LRRC4C: variants seen among roughly 807,000 people sequenced by gnomAD.
LRRC4C encodes leucine rich repeat containing 4C.
In LRRC4C, 5 loss-of-function variants were observed where a neutral mutation model predicts 33.6. That is an observed-to-expected ratio of 0.15 (90% CI 0.08 to 0.31). The LOEUF (loss-of-function observed/expected upper bound fraction) is 0.31. Among genes scored for constraint, LRRC4C ranks in the 10% least tolerant of loss-of-function variants. LRRC4C has a pLI of 1.00. For synonymous variants in LRRC4C, 329 were observed against 302.0 expected (o/e 1.09, Z -0.93); for missense variants, 560 against 796.7 (o/e 0.70, Z 3.58).
chr11:41,162,538 T>C (rs1470532121), intron 1 of LRRC4C, among the ~76,000 whole-genome samples: 1 of 152,168 alleles, frequency 6.6e-6, no homozygotes, highest in African/African-American at 2.4e-5. Context: ...TATCCTACTA[T>C]ACGCCTAGGC....
Position 40,693,112 on chromosome 11 carries a change from C to CCA in LRRC4C, c.-406-44835_-406-44834insTG, listed in dbSNP as rs1242866139. Among the ~76,000 whole-genome samples, 15 of 151,856 alleles carry CCA rather than the reference C, an allele frequency of 9.9e-5. No individual in the cohort carries two copies. In the South Asian group the frequency reaches 2.3e-3, roughly 23 times the overall value. On this transcript the variant is annotated intron_variant, in intron 2 of 6. Transcript: ENST00000528697. ...AATGTATCGTGATTCTGGTTTTTTA[C>CCA]CGCACACACACACCTCTGCACACTT...
intron 1 of LRRC4C, among the ~76,000 whole-genome samples, chr11:41,122,071 A>T (rs1401047724): frequency 6.6e-6 from 1 of 152,164 alleles, no homozygotes; most frequent in African/African-American, 2.4e-5. Context: ...CTCCTAGGAA[A>T]CACTGCTGGG....
intron 3 of LRRC4C, among the ~76,000 whole-genome samples, chr11:40,544,767 T>C (rs1956851258): frequency 6.6e-6 from 1 of 152,134 alleles, no homozygotes; most frequent in Non-Finnish European, 1.5e-5. Context: ...TGTATGCACA[T>C]ATGTATGTCT....
chr11:40,224,320 C>T (rs753789896), intron 5 of LRRC4C, among the ~76,000 whole-genome samples: 3 of 152,180 alleles, frequency 2.0e-5, no homozygotes, highest in Non-Finnish European at 4.4e-5. Context: ...GTTTAAAACC[C>T]CTCCCCACAA....
At chr11:40,456,243 C>G (rs1952125276) in intron 3 of LRRC4C, among the ~76,000 whole-genome samples, 1 of 151,950 alleles carries the variant, frequency 6.6e-6, no homozygotes, top group Admixed American at 6.6e-5. Context: ...GCAAAATCAA[C>G]CTGAAGAATG....
intron 1 of LRRC4C, among the ~76,000 whole-genome samples, chr11:41,050,929 A>G: frequency 6.6e-6 from 1 of 152,192 alleles, no homozygotes; most frequent in East Asian, 1.9e-4. Context: ...AGGCTAATTT[A>G]AGGCTACATT....
At chr11:41,226,219 C>T (rs1172612761) in intron 1 of LRRC4C, among the ~76,000 whole-genome samples, 1 of 152,080 alleles carries the variant, frequency 6.6e-6, no homozygotes, top group Non-Finnish European at 1.5e-5. Flanking sequence ...TCATGACTTT[C>T]TGAGATGAGT....
intron 1 of LRRC4C, among the ~76,000 whole-genome samples, chr11:41,205,336 G>A (rs1946555829): frequency 6.6e-6 from 1 of 152,154 alleles, no homozygotes; most frequent in Non-Finnish European, 1.5e-5. Context: ...ATTATTGCAT[G>A]GAGAATGTGC....
chr11:40,313,182 A>C (rs1945399833), intron 4 of LRRC4C, among the ~76,000 whole-genome samples: 8 of 152,010 alleles, frequency 5.3e-5, no homozygotes, highest in Admixed American at 5.2e-4. Flanking sequence ...TGTTTATGTT[A>C]GTTTTTACTC....
intron 1 of LRRC4C, chr11:41,424,111 A>G (rs1318268898): frequency 2.0e-5 from 3 of 152,118 alleles, no homozygotes; most frequent in African/African-American, 7.2e-5. Context: ...TCAAATGAAG[A>G]AAACGTATTC....
intron 1 of LRRC4C, among the ~76,000 whole-genome samples, chr11:41,048,593 C>G (rs1857973743): frequency 6.6e-6 from 1 of 152,074 alleles, no homozygotes; most frequent in Non-Finnish European, 1.5e-5. Flanking sequence ...ATTTTTTCAT[C>G]TTGGTCTACC....
intron 4 of LRRC4C, among the ~76,000 whole-genome samples, chr11:40,254,418 G>A (rs1318006940): frequency 4.6e-5 from 7 of 152,170 alleles, no homozygotes; most frequent in Admixed American, 3.9e-4. Flanking sequence ...TCAGCCACGT[G>A]CTGCTCACTT....
At chr11:41,443,918 C>T (rs1206742102) in intron 1 of LRRC4C, among the ~76,000 whole-genome samples, 1 of 151,902 alleles carries the variant, frequency 6.6e-6, no homozygotes, top group Non-Finnish European at 1.5e-5. Flanking sequence ...CCACTGCGCC[C>T]AGCCGGGAGC....
chr11:40,997,020 C>T (rs1052866577), intron 1 of LRRC4C, among the ~76,000 whole-genome samples: 5 of 151,996 alleles, frequency 3.3e-5, no homozygotes, highest in African/African-American at 1.2e-4. Context: ...CGGTGTTAGG[C>T]CTGCTGAGTT....
intron 1 of LRRC4C, among the ~76,000 whole-genome samples, chr11:41,207,228 T>G (rs1403035545): frequency 6.6e-6 from 1 of 152,120 alleles, no homozygotes; most frequent in African/African-American, 2.4e-5. Flanking sequence ...AAAGTTGATA[T>G]GCCCTGTCCT....
chr11:41,404,315 TA>T (rs1475381955), intron 1 of LRRC4C, among the ~76,000 whole-genome samples: 1 of 152,026 alleles, frequency 6.6e-6, no homozygotes, highest in African/African-American at 2.4e-5. Context: ...AGTAGGTTTA[TA>T]AAAGTCATGT....
intron 1 of LRRC4C, among the ~76,000 whole-genome samples, chr11:40,993,847 C>G (rs1853767083): frequency 6.6e-6 from 1 of 152,058 alleles, no homozygotes; most frequent in Non-Finnish European, 1.5e-5. Flanking sequence ...GTAAAAGCAT[C>G]ATAGGAACAT....
At chr11:41,003,245 G>A (rs61887625) in intron 1 of LRRC4C, among the ~76,000 whole-genome samples, 20,845 of 151,886 alleles carry the variant, frequency 0.14, 1,504 homozygotes, top group Non-Finnish European at 0.16. Context: ...TTTTCAAAGG[G>A]AGTAATCATA....
At chr11:40,978,627 T>TTTTTGG (rs929091597) in intron 1 of LRRC4C, among the ~76,000 whole-genome samples, 1 of 150,544 alleles carries the variant, frequency 6.6e-6, no homozygotes, top group African/African-American at 2.4e-5. Flanking sequence ...TTTTACTGTT[T>TTTTTGG]TTTTTTTTTT....
Sources: allele counts gnomAD v4.1 joint callset (sites outside exome capture counted in the v4.1 genomes callset), GRCh38; gene constraint gnomAD v4.1.1; transcripts MANE v1.5; gene names NCBI Gene and HGNC (gene_info 2026-07-23, HGNC 2026-07-21).